RASGEF1C: variants seen among roughly 807,000 people sequenced by gnomAD.
RASGEF1C encodes the protein ras-GEF domain-containing family member 1C.
Under a neutral mutation model 58.1 loss-of-function variants are expected in RASGEF1C, and 27 were observed. That is an observed-to-expected ratio of 0.46 (90% CI 0.34 to 0.64). The LOEUF is 0.64. RASGEF1C is among the 30% of genes least tolerant of loss of function. RASGEF1C has a pLI of 0.01. For missense variants in RASGEF1C, 502 were observed against 605.1 expected, an observed-to-expected ratio of 0.83 and a Z score of 1.79; for synonymous variants, 243 against 246.3, an observed-to-expected ratio of 0.99 and a Z score of 0.13.
intron 1 of RASGEF1C, among the ~76,000 whole-genome samples, chr5:180,189,930 A>C (rs1756115766): frequency 7.2e-6 from 1 of 138,256 alleles, no homozygotes; most frequent in African/African-American, 3.1e-5. Flanking sequence ...TCTCAAAAAA[A>C]AAAAAAAAAA....
At chr5:180,208,931 C>G (rs1257568970) in intron 1 of RASGEF1C, 97 bp downstream of exon 1, 1 of 147,840 alleles carries the variant, frequency 6.8e-6, no homozygotes, top group South Asian at 1.8e-4. Flanking sequence ...TCCCGCCTCC[C>G]GCCGACCCCG....
Position 180,190,506 on chromosome 5 carries a change from AAATAAT to A in RASGEF1C, c.-7+18516_-7+18521del, listed in dbSNP as rs370402852. On this transcript the variant is annotated intron_variant, in intron 1 of 13. Coordinates refer to ENST00000361132, the MANE Select transcript of RASGEF1C (RefSeq NM_175062.4). Reference sequence around the variant, plus strand: ...CTCCGTCTCAAAAAAAAAAAAAAAAAAATAATAATAATAATAATAATAATTAGCCAG... The same window carrying A: ...CTCCGTCTCAAAAAAAAAAAAAAAAAAATAATAATAATAATAATTAGCCAG... 6.8e-3 allele frequency among the ~76,000 whole-genome samples: 659 copies of A among 97,262 alleles called. 28 individuals carry two copies. Among genetic ancestry groups the A allele is most frequent in the Middle Eastern group, 0.02 (4 of 196 alleles). 63.8% of individuals were successfully genotyped at this position (97,262 alleles called of 152,430 possible).
At chr5:180,157,927 A>G (rs1282726654) in intron 1 of RASGEF1C, among the ~76,000 whole-genome samples, 3 of 152,198 alleles carry the variant, frequency 2.0e-5, no homozygotes, top group African/African-American at 7.2e-5. Flanking sequence ...TACAACACCA[A>G]GCATGACCCC....
intron 1 of RASGEF1C, among the ~76,000 whole-genome samples, chr5:180,163,250 TTTC>T (rs71001078): frequency 0.33 from 35,218 of 107,206 alleles, 8,299 homozygotes; most frequent in East Asian, 0.6. Flanking sequence ...TTTTTTTTTT[TTTC>T]CAGCCTATTG....
intron 1 of RASGEF1C, among the ~76,000 whole-genome samples, chr5:180,141,719 CTTTTT>C (rs55986031): frequency 2.7e-5 from 4 of 146,062 alleles, no homozygotes; most frequent in Non-Finnish European, 1.5e-5. Context: ...TTTTATCACA[CTTTTT>C]TTTTTTTTTT....
chr5:180,205,588 T>C (rs552824885), intron 1 of RASGEF1C, among the ~76,000 whole-genome samples: 2 of 152,278 alleles, frequency 1.3e-5, no homozygotes, highest in Non-Finnish European at 2.9e-5. Context: ...AGCCAGGAAA[T>C]CCTTGCAGTA....
rs185187584 is a variant in RASGEF1C at position 180,111,506 on chromosome 5, G to C, written c.1254C>G (p.Asp418Glu). 3.1e-6 allele frequency: 5 copies of C among 1,614,234 alleles called. No homozygotes were observed. In the East Asian group the frequency reaches 1.1e-4, roughly 36 times the overall value. Residue 418 changes from aspartate to glutamate, a missense_variant, in exon 12 of 14, where the codon GAC becomes GAG. Transcript: ENST00000361132. ...WKQVECPFEQ[D>E]ASITHYLYTA... ...TGTACAGGTAGTGGGTGATGCTGGC[G>C]TCTTGCTCGAAGGGACACTCCACTT...
In RASGEF1C at chr5:180,113,705, C is replaced by T. The variant is rs564592967; in HGVS notation, c.1179+741G>A. Among the ~76,000 whole-genome samples the T allele has an allele frequency of 8.3e-5, 11 of 132,910 alleles. No homozygotes were observed. The East Asian group carries it at 1.6e-3, about 20-fold the overall frequency. 87.2% of individuals were successfully genotyped at this position (132,910 alleles called of 152,430 possible). Reference sequence around the variant, plus strand: ...AGGGATCGGGGATGGACGGAGGGATCGGGGATGGATGGAGGGATCCGGGCT... The same window carrying T: ...AGGGATCGGGGATGGACGGAGGGATTGGGGATGGATGGAGGGATCCGGGCT... On this transcript the variant is annotated intron_variant, in intron 11 of 13. Coordinates refer to ENST00000361132, the MANE Select transcript of RASGEF1C (RefSeq NM_175062.4).
rs1030669947 is a variant in RASGEF1C at position 180,177,780 on chromosome 5, G to T, written c.-7+31248C>A. Among the ~76,000 whole-genome samples, 6 of 152,286 alleles carry T rather than the reference G, an allele frequency of 3.9e-5. No homozygotes were observed. Among genetic ancestry groups the T allele is most frequent in the African/African-American group, 1.2e-4 (5 of 41,558 alleles). ...GTGGGCCACCAGACTCAGTTCGTGG[G>T]ACATTTATTTGAACTGTCTGAGCAG... is the stretch of plus-strand genomic sequence containing the variant. On this transcript the variant is annotated intron_variant, in intron 1 of 13. Coordinates refer to ENST00000361132, the MANE Select transcript of RASGEF1C (RefSeq NM_175062.4). This position sits in a 1 kb window ranked among gnomAD's most constrained non-coding sequence, Gnocchi z 5.0.
intron 5 of RASGEF1C, 64 bp from the exon 6 acceptor site, chr5:180,127,747 G>A: frequency 6.8e-7 from 1 of 1,463,222 alleles, no homozygotes; most frequent in Admixed American, 2.0e-5. Context: ...TCCACTGGGG[G>A]GCCTGCCGTG....
chr5:180,160,326 G>T (rs1401297256), intron 1 of RASGEF1C, among the ~76,000 whole-genome samples: 1 of 152,178 alleles, frequency 6.6e-6, no homozygotes, highest in Non-Finnish European at 1.5e-5. Context: ...TTGGCCTCTG[G>T]GGCCTCCAGA....
chr5:180,201,994 A>C (rs1050735080), intron 1 of RASGEF1C, among the ~76,000 whole-genome samples: 1 of 152,224 alleles, frequency 6.6e-6, no homozygotes, highest in African/African-American at 2.4e-5. Flanking sequence ...CACACTAAAA[A>C]TTCAGACACA....
chr5:180,142,002 C>G (rs912113452), intron 1 of RASGEF1C, among the ~76,000 whole-genome samples: 2 of 152,146 alleles, frequency 1.3e-5, no homozygotes, highest in African/African-American at 4.8e-5. Flanking sequence ...GTTACAATAT[C>G]TCTCAGAAGT....
chr5:180,114,357 T>G (rs1766027831), intron 11 of RASGEF1C, 89 bp downstream of exon 11: 2 of 1,283,528 alleles, frequency 1.6e-6, no homozygotes, highest in Non-Finnish European at 2.2e-6. Flanking sequence ...GGGTCCCCCA[T>G]GAGGCTGGGT....
In RASGEF1C at chr5:180,102,150, A is replaced by G; in HGVS notation, c.1304-7T>C. ...TAAGAAGCCAAATAAAGACCTAGAC[A>G]GAAAATGAAGTGAAATTTCACAATT... On this transcript the variant is annotated splice_polypyrimidine_tract_variant and splice_region_variant and intron_variant, in intron 12 of 13. Transcript: ENST00000361132. 1 of 1,520,140 alleles carries G rather than the reference A, an allele frequency of 6.6e-7. No individual in the cohort carries two copies. Among genetic ancestry groups the G allele is most frequent in the Non-Finnish European group, 9.1e-7 (1 of 1,095,108 alleles). 94.2% of individuals were successfully genotyped at this position (1,520,140 alleles called of 1,614,324 possible).
intron 4 of RASGEF1C, among the ~76,000 whole-genome samples, chr5:180,131,452 A>C (rs1488854356): frequency 6.6e-6 from 1 of 151,708 alleles, no homozygotes; most frequent in Admixed American, 6.6e-5. Flanking sequence ...ACCGAAGCTC[A>C]AGTGCTGTTT....
At chr5:180,200,348 C>T (rs1230729193) in intron 1 of RASGEF1C, among the ~76,000 whole-genome samples, 2 of 107,796 alleles carry the variant, frequency 1.9e-5, no homozygotes, top group Non-Finnish European at 4.0e-5. Flanking sequence ...CCTGCTCTGT[C>T]GCCCAGGTTG....
intron 1 of RASGEF1C, among the ~76,000 whole-genome samples, chr5:180,165,485 C>G (rs1767006448): frequency 6.6e-6 from 1 of 151,864 alleles, no homozygotes; most frequent in Non-Finnish European, 1.5e-5. Flanking sequence ...GCCTGGCCAA[C>G]ATGGTGAAAC....
intron 10 of RASGEF1C, among the ~76,000 whole-genome samples, chr5:180,116,645 G>A (rs769521607): frequency 6.6e-6 from 1 of 152,240 alleles, no homozygotes; most frequent in Admixed American, 6.5e-5. Flanking sequence ...ACAGGCATCC[G>A]AATCCCAGTC....
Sources: gnomAD v4.1 joint callset for allele counts (sites outside exome capture counted in the v4.1 genomes callset) on GRCh38, gnomAD v4.1.1 for gene constraint, Gnocchi (gnomAD v3.1) non-coding constraint, MANE v1.5 for transcripts, NCBI Gene and HGNC (gene_info 2026-07-23, HGNC 2026-07-21) for gene names.